The following CIMIP5 variants were observed in gnomAD, a reference collection of about 807,000 sequenced individuals.
The protein encoded by CIMIP5 is ciliary microtubule inner protein 5.
At chr2:11,138,094 T>C in the CIMIP5 span, among the ~76,000 whole-genome samples, 43 of 152,202 alleles carry the variant, frequency 2.8e-4, no homozygotes, top group Admixed American at 5.9e-4. Flanking sequence ...TCTGCCTGCC[T>C]CGGCCTCCCA....
chr2:11,148,097 C>T, the CIMIP5 span, among the ~76,000 whole-genome samples: 1 of 151,340 alleles, frequency 6.6e-6, no homozygotes, highest in Non-Finnish European at 1.5e-5. Context: ...CATAGCAAGC[C>T]TGGAGGGATG....
chr2:11,151,433 C>G, the CIMIP5 span, among the ~76,000 whole-genome samples: 9 of 152,324 alleles, frequency 5.9e-5, no homozygotes, highest in Admixed American at 4.6e-4. Context: ...TCAGTTTCTG[C>G]TCAATTCCAT....
At chr2:11,142,911 G>A in the CIMIP5 span, among the ~76,000 whole-genome samples, 4 of 151,392 alleles carry the variant, frequency 2.6e-5, no homozygotes, top group Admixed American at 1.3e-4. Flanking sequence ...TTGTAGAGAC[G>A]GGGTCTCACC....
At chr2:11,140,377 A>C in the CIMIP5 span, 1,467 of 158,964 alleles carry the variant, frequency 9.2e-3, 10 homozygotes, top group African/African-American at 0.052. Flanking sequence ...TCCGTCTTAA[A>C]AAAAAAAAAA....
the CIMIP5 span, among the ~76,000 whole-genome samples, chr2:11,139,391 A>G: frequency 6.6e-6 from 1 of 152,180 alleles, no homozygotes; most frequent in South Asian, 2.1e-4. Flanking sequence ...GGCTGTGAGG[A>G]TGGGGACAGA....
the CIMIP5 span, among the ~76,000 whole-genome samples, chr2:11,152,254 C>A: frequency 2.0e-5 from 3 of 152,228 alleles, no homozygotes; most frequent in African/African-American, 7.2e-5. Context: ...ACTGTCATTT[C>A]TAATCTTGTA....
the CIMIP5 span, among the ~76,000 whole-genome samples, chr2:11,152,241 T>A: frequency 6.6e-6 from 1 of 152,234 alleles, no homozygotes. Flanking sequence ...TGCCTGACCC[T>A]AAACTGTCAT....
chr2:11,135,364 T>C, the CIMIP5 span, among the ~76,000 whole-genome samples: 1,213 of 152,310 alleles, frequency 8.0e-3, 16 homozygotes, highest in African/African-American at 0.028. Context: ...CCAACACTCA[T>C]TGATTGTCTT....
At chr2:11,153,102 G>A in the CIMIP5 span, among the ~76,000 whole-genome samples, 6 of 152,188 alleles carry the variant, frequency 3.9e-5, no homozygotes, top group African/African-American at 1.4e-4. Context: ...CCAATGCTAG[G>A]AGGACAGCTG....
the CIMIP5 span, chr2:11,140,562 A>G: frequency 1.9e-6 from 3 of 1,555,846 alleles, no homozygotes; most frequent in Non-Finnish European, 2.6e-6. Flanking sequence ...AAGGTAAAAT[A>G]TGTTCCTGCC....
the CIMIP5 span, among the ~76,000 whole-genome samples, chr2:11,138,709 T>C: frequency 6.6e-6 from 1 of 152,160 alleles, no homozygotes; most frequent in South Asian, 2.1e-4. Flanking sequence ...TCTCACCAGA[T>C]CTGGTTCTTT....
At chr2:11,133,599 C>T in the CIMIP5 span, 79 of 1,577,352 alleles carry the variant, frequency 5.0e-5, no homozygotes, top group African/African-American at 9.5e-4. Flanking sequence ...CTGGTGAGTA[C>T]CTGCCCTCCC....
At chr2:11,150,170 A>G in the CIMIP5 span, among the ~76,000 whole-genome samples, 1 of 151,716 alleles carries the variant, frequency 6.6e-6, no homozygotes, top group Non-Finnish European at 1.5e-5. Context: ...CTGGTCTCGA[A>G]CCTCGTGATC....
the CIMIP5 span, among the ~76,000 whole-genome samples, chr2:11,136,957 A>AG: frequency 2.0e-5 from 3 of 152,252 alleles, no homozygotes; most frequent in Non-Finnish European, 4.4e-5. Flanking sequence ...ATAAAGACCA[A>AG]GGGGAAAGAG....
chr2:11,147,332 C>T, the CIMIP5 span, among the ~76,000 whole-genome samples: 67 of 152,194 alleles, frequency 4.4e-4, no homozygotes, highest in African/African-American at 1.1e-3. Context: ...TATAAAATGG[C>T]GCGGGAGGGA....
the CIMIP5 span, among the ~76,000 whole-genome samples, chr2:11,140,954 A>T: frequency 6.6e-6 from 1 of 152,000 alleles, no homozygotes; most frequent in Admixed American, 6.6e-5. Context: ...CATCCTCCAC[A>T]TTGCCACCAG....
chr2:11,148,516 A>T, the CIMIP5 span, among the ~76,000 whole-genome samples: 1 of 152,120 alleles, frequency 6.6e-6, no homozygotes, highest in African/African-American at 2.4e-5. Flanking sequence ...TCAAAAAGTG[A>T]TGAAAATATG....
At chr2:11,147,090 C>T in the CIMIP5 span, among the ~76,000 whole-genome samples, 1 of 152,204 alleles carries the variant, frequency 6.6e-6, no homozygotes, top group South Asian at 2.1e-4. Context: ...CTCCTGGAAG[C>T]ACAGCCACTT....
At chr2:11,136,809 G>A in the CIMIP5 span, among the ~76,000 whole-genome samples, 291 of 152,328 alleles carry the variant, frequency 1.9e-3, 2 homozygotes, top group Admixed American at 0.018. Flanking sequence ...TGGCCCCAGC[G>A]ATGTGAATAA....
Sources: gnomAD v4.1 joint callset for allele counts (sites outside exome capture counted in the v4.1 genomes callset) on GRCh38, gnomAD v4.1.1 for gene constraint, MANE v1.5 for transcripts, NCBI Gene and HGNC (gene_info 2026-07-23, HGNC 2026-07-21) for gene names.